The following FAF1 variants were observed in gnomAD, a reference collection of about 807,000 sequenced individuals.
The protein encoded by FAF1 is Fas associated factor 1, also known as FAS-associated factor 1.
Under a neutral mutation model 92.5 loss-of-function variants are expected in FAF1, and 25 were observed. The observed-to-expected ratio is 0.27, with a 90% CI of 0.20 to 0.38. The LOEUF (loss-of-function observed/expected upper bound fraction) is 0.38. Ranked by LOEUF, FAF1 falls within the 10% of genes least tolerant of loss-of-function variation. FAF1 has a pLI of 1.00. For synonymous variants in FAF1, 234 were observed against 273.2 expected (o/e 0.86, Z 1.42); for missense variants, 636 against 793.3 (o/e 0.80, Z 2.38).
At chr1:50,743,235 CAT>C (rs1187710750) in intron 5 of FAF1, among the ~76,000 whole-genome samples, 1 of 152,190 alleles carries the variant, frequency 6.6e-6, no homozygotes, top group Non-Finnish European at 1.5e-5. Flanking sequence ...CAAATGAACT[CAT>C]ATATAAGTAC....
At chr1:50,511,714 G>T (rs1310943462) in intron 15 of FAF1, among the ~76,000 whole-genome samples, 1 of 152,166 alleles carries the variant, frequency 6.6e-6, no homozygotes, top group Non-Finnish European at 1.5e-5. Flanking sequence ...ACATATGTGT[G>T]CATGTGTCTT....
intron 7 of FAF1, among the ~76,000 whole-genome samples, chr1:50,694,015 CATATATGACAT>C (rs1482807801): frequency 5.3e-5 from 8 of 151,718 alleles, no homozygotes; most frequent in Admixed American, 4.6e-4. Flanking sequence ...ATATACATGA[CATATATGACAT>C]ATATATGACA....
At chr1:50,816,227 C>T (rs1232431766) in intron 2 of FAF1, among the ~76,000 whole-genome samples, 18 of 111,356 alleles carry the variant, frequency 1.6e-4, no homozygotes, top group Admixed American at 4.5e-4. Context: ...TTTTTTGAGA[C>T]GGAGTCTTGC....
Position 50,437,889 on chromosome 1 carries a change from G to A in FAF1, c.*3551C>T, listed in dbSNP as rs1434106752. On this transcript the variant is annotated 3_prime_UTR_variant, in exon 19 of 19. Coordinates refer to ENST00000396153, the MANE Select transcript of FAF1 (RefSeq NM_007051.3). ...AATACAAAAATTAGCTGGGCATGGT[G>A]GCACATGCCTGTAATCCCAGCTACT... is the stretch of plus-strand genomic sequence containing the variant. 2.0e-5 allele frequency: 3 copies of A among 152,044 alleles called. No homozygotes were observed. The highest frequency in any genetic ancestry group is 7.3e-5 in the African/African-American group (3 of 41,364). The allele number at this position is 152,044 out of a possible 1,614,324, so 9.4% of individuals were successfully genotyped here. A position where few individuals can be genotyped will look rare whatever the true frequency, so the allele number is the denominator to read the frequency against.
intron 1 of FAF1, among the ~76,000 whole-genome samples, chr1:50,956,522 C>T (rs1179429526): frequency 2.0e-5 from 3 of 152,192 alleles, no homozygotes; most frequent in African/African-American, 7.2e-5. Flanking sequence ...ATTATTGAGT[C>T]TCACAATCAT....
intron 1 of FAF1, among the ~76,000 whole-genome samples, chr1:50,886,851 G>A (rs1354836612): frequency 1.3e-5 from 2 of 152,158 alleles, no homozygotes; most frequent in African/African-American, 2.4e-5. Flanking sequence ...GTGTGCATGT[G>A]TCCTTATAGC....
intron 8 of FAF1, chr1:50,612,253 C>T: frequency 1.7e-6 from 1 of 579,434 alleles, no homozygotes; most frequent in Non-Finnish European, 2.5e-6. Context: ...AAAACAAGCC[C>T]TTTGCCTTAT....
At chr1:50,764,164 AG>A in intron 4 of FAF1, among the ~76,000 whole-genome samples, 1 of 152,260 alleles carries the variant, frequency 6.6e-6, no homozygotes, top group Non-Finnish European at 1.5e-5. Context: ...TTAATATGTA[AG>A]GAGTTCATTA....
chr1:50,582,852 T>A, intron 11 of FAF1, 153 bp from the exon 12 acceptor site: 1 of 586,672 alleles, frequency 1.7e-6, no homozygotes. Context: ...GAAATGAGCT[T>A]TATTGGTTTT....
intron 17 of FAF1, among the ~76,000 whole-genome samples, chr1:50,485,226 G>A (rs1435151672): frequency 6.6e-6 from 1 of 151,884 alleles, no homozygotes. Context: ...CTCCCAAGTA[G>A]CTGGGATTAC....
intron 4 of FAF1, among the ~76,000 whole-genome samples, chr1:50,764,979 T>C (rs954292308): frequency 9.9e-5 from 15 of 152,208 alleles, no homozygotes; most frequent in African/African-American, 3.6e-4. Context: ...ACAAACCAAG[T>C]TATTACCATA....
At chr1:50,601,540 G>A (rs906569853) in intron 8 of FAF1, among the ~76,000 whole-genome samples, 11 of 152,052 alleles carry the variant, frequency 7.2e-5, no homozygotes, top group Non-Finnish European at 1.3e-4. Context: ...AAACTAGCTC[G>A]GCATGGTGGC....
At chr1:50,710,049 TAAC>T (rs753402284) in intron 6 of FAF1, among the ~76,000 whole-genome samples, 1 of 152,160 alleles carries the variant, frequency 6.6e-6, no homozygotes, top group Non-Finnish European at 1.5e-5. Context: ...GAGAAAACCT[TAAC>T]AATGTTAAAG....
chr1:50,717,987 C>CTTTA (rs67168626), intron 6 of FAF1, among the ~76,000 whole-genome samples: 8,931 of 138,912 alleles, frequency 0.064, 340 homozygotes, highest in South Asian at 0.097. Context: ...AAATACAATC[C>CTTTA]TTTATTTATT....
chr1:50,498,045 G>A (rs2149013738), intron 15 of FAF1, among the ~76,000 whole-genome samples: 1 of 152,226 alleles, frequency 6.6e-6, no homozygotes, highest in African/African-American at 2.4e-5. Context: ...AACCGTGGTA[G>A]TGGCATAATG....
At chr1:50,875,270 T>C (rs1186050577) in intron 1 of FAF1, among the ~76,000 whole-genome samples, 2 of 152,116 alleles carry the variant, frequency 1.3e-5, no homozygotes, top group Non-Finnish European at 2.9e-5. Flanking sequence ...TATTTATATA[T>C]TTTAATTAAC....
intron 15 of FAF1, among the ~76,000 whole-genome samples, chr1:50,517,591 T>C (rs1557977943): frequency 6.6e-6 from 1 of 152,202 alleles, no homozygotes. Context: ...GAATGTATTT[T>C]AAACAAGCTC....
chr1:50,847,796 A>G (rs1423758515), intron 2 of FAF1, among the ~76,000 whole-genome samples: 1 of 152,144 alleles, frequency 6.6e-6, no homozygotes, highest in African/African-American at 2.4e-5. Flanking sequence ...TCCTCAATAA[A>G]AAAGAAAAAT....
chr1:50,938,243 A>G (rs1645102926), intron 1 of FAF1, among the ~76,000 whole-genome samples: 1 of 152,208 alleles, frequency 6.6e-6, no homozygotes, highest in Non-Finnish European at 1.5e-5. Flanking sequence ...CACATTTCCC[A>G]TGGGTAACAA....
Sources: allele counts gnomAD v4.1 joint callset (sites outside exome capture counted in the v4.1 genomes callset), GRCh38; gene constraint gnomAD v4.1.1; transcripts MANE v1.5; gene names NCBI Gene and HGNC (gene_info 2026-07-23, HGNC 2026-07-21).